The following ADCY8 variants were observed in gnomAD, a reference collection of about 807,000 sequenced individuals.
The protein encoded by ADCY8 is adenylate cyclase type 8.
ADCY8 carries 51 observed loss-of-function variants against 119.7 expected under a neutral mutation model. The observed-to-expected ratio is 0.43, with a 90% CI of 0.34 to 0.54. The LOEUF is 0.54. Ranked by LOEUF, ADCY8 falls within the 20% of genes least tolerant of loss-of-function variation. The pLI is 0.03. For synonymous variants in ADCY8, 665 were observed against 651.0 expected, an observed-to-expected ratio of 1.02 and a Z score of -0.33; for missense variants, 1,383 against 1,598.8, an observed-to-expected ratio of 0.87 and a Z score of 2.30.
intron 9 of ADCY8, 23 bp from the exon 10 acceptor site, chr8:130,849,826 G>C (rs199804751): frequency 6.2e-7 from 1 of 1,600,296 alleles, no homozygotes; most frequent in East Asian, 2.3e-5. Context: ...ACAGAATGTT[G>C]GGTCATTGGC....
chr8:130,817,425 A>T (rs1169065674), intron 13 of ADCY8, among the ~76,000 whole-genome samples: 1 of 152,240 alleles, frequency 6.6e-6, no homozygotes, highest in African/African-American at 2.4e-5. Flanking sequence ...CTACAAAAAA[A>T]TTCCCATTCT....
chr8:130,995,407 C>T (rs1477762191), intron 1 of ADCY8, among the ~76,000 whole-genome samples: 2 of 152,136 alleles, frequency 1.3e-5, no homozygotes, highest in Non-Finnish European at 2.9e-5. Context: ...GGTTTTTAAA[C>T]TCTACCTTTT....
intron 7 of ADCY8, among the ~76,000 whole-genome samples, chr8:130,888,697 G>A (rs77460997): frequency 6.6e-6 from 1 of 152,042 alleles, no homozygotes; most frequent in Admixed American, 6.6e-5. Context: ...TAATGAGAGG[G>A]TCAGGTAGCC....
intron 8 of ADCY8, 55 bp from the exon 9 acceptor site, chr8:130,868,001 G>C: frequency 8.6e-7 from 1 of 1,157,748 alleles, no homozygotes; most frequent in Non-Finnish European, 1.2e-6. Context: ...CAGTGTTTGA[G>C]GTTGAGGGAA....
At position 130,895,200 on chromosome 8, in the gene ADCY8, C is replaced by G. The variant is rs145057209; in HGVS notation, c.1911+8572G>C. Among the ~76,000 whole-genome samples, 225 of 152,196 alleles carry G rather than the reference C, an allele frequency of 1.5e-3. 1 individual carries two copies. The highest frequency in any genetic ancestry group is 2.8e-3 in the Non-Finnish European group (187 of 67,990). ...TTTCCACCTTGACATATTTAAAGTGCTATACGTTTATTGGGTCTTGTTTGT... is the reference window on the plus strand; with the variant it reads ...TTTCCACCTTGACATATTTAAAGTGGTATACGTTTATTGGGTCTTGTTTGT... On this transcript the variant is annotated intron_variant, in intron 7 of 17. Coordinates refer to ENST00000286355, the MANE Select transcript of ADCY8 (RefSeq NM_001115.3).
rs140483899 is a variant in ADCY8, at chr8:131,016,417, T to C, written c.960+22957A>G. Among the ~76,000 whole-genome samples, 652 of 152,254 alleles carry C rather than the reference T, an allele frequency of 4.3e-3. 3 individuals are homozygous for C. The highest frequency in any genetic ancestry group is 0.015 in the South Asian group (70 of 4,822). ...TACTCAGGAGGCTGAGGTGGGAGGA[T>C]TGCTTAAGCCCAGGAGATTGAGTCC... On this transcript the variant is annotated intron_variant, in intron 1 of 17. Coordinates refer to ENST00000286355, the MANE Select transcript of ADCY8 (RefSeq NM_001115.3).
At chr8:130,816,864 T>A (rs1042357179) in intron 13 of ADCY8, among the ~76,000 whole-genome samples, 10 of 152,250 alleles carry the variant, frequency 6.6e-5, no homozygotes, top group African/African-American at 2.4e-4. Flanking sequence ...TTTAATTATG[T>A]CTTGTTTTAA....
At chr8:130,921,449 C>CTTTTTTTTTTTT (rs35570520) in intron 5 of ADCY8, among the ~76,000 whole-genome samples, 26 of 107,602 alleles carry the variant, frequency 2.4e-4, no homozygotes, top group Non-Finnish European at 3.7e-4. Context: ...TTTTTCTTTT[C>CTTTTTTTTTTTT]TTTTTTTTTT....
At chr8:130,997,848 C>T (rs553265714) in intron 1 of ADCY8, among the ~76,000 whole-genome samples, 3 of 152,266 alleles carry the variant, frequency 2.0e-5, no homozygotes, top group Non-Finnish European at 2.9e-5. Context: ...CTCCAACCTA[C>T]GGCTCTACCT....
At chr8:131,004,988 T>G (rs201739072) in intron 1 of ADCY8, among the ~76,000 whole-genome samples, 2 of 152,190 alleles carry the variant, frequency 1.3e-5, no homozygotes, top group East Asian at 3.9e-4. Context: ...AGTTTTTAAC[T>G]TACTGGTGAC....
chr8:130,789,225 A>G (rs952018426), intron 15 of ADCY8, among the ~76,000 whole-genome samples: 1 of 152,188 alleles, frequency 6.6e-6, no homozygotes, highest in Non-Finnish European at 1.5e-5. Flanking sequence ...AACCAAATAT[A>G]TGCTATTAAG....
chr8:130,959,159 A>G, intron 2 of ADCY8, among the ~76,000 whole-genome samples: 1 of 152,356 alleles, frequency 6.6e-6, no homozygotes, highest in South Asian at 2.1e-4. Context: ...TTAAAATATT[A>G]AACTATATTA....
intron 5 of ADCY8, among the ~76,000 whole-genome samples, chr8:130,936,073 A>ATGTGTGTGTGTGTG (rs35028784): frequency 0.012 from 1,704 of 147,126 alleles, 23 homozygotes; most frequent in Admixed American, 0.037. Flanking sequence ...AAGCACTGAC[A>ATGTGTGTGTGTGTG]TGTGTGTGTG....
intron 2 of ADCY8, among the ~76,000 whole-genome samples, chr8:130,961,316 G>C (rs1176442879): frequency 6.6e-6 from 1 of 151,966 alleles, no homozygotes; most frequent in Non-Finnish European, 1.5e-5. Flanking sequence ...CATCATGCTG[G>C]CCAGGCTAGT....
chr8:130,845,776 G>A lies in ADCY8; in HGVS notation c.2502+1648C>T, dbSNP rs188042553. Among the ~76,000 whole-genome samples, 94 of 152,190 alleles carry A rather than the reference G, an allele frequency of 6.2e-4. No individual in the cohort carries two copies. In the Middle Eastern group the frequency reaches 0.01, roughly 17 times the overall value. The stretch of plus-strand genomic sequence containing the variant: ...TCTACTTTCTCCTCTAGGGACCAGG[G>A]AAGATAAAGAATAAGGTAGATATGG... On this transcript the variant is annotated intron_variant, in intron 11 of 17. Coordinates refer to ENST00000286355, the MANE Select transcript of ADCY8 (RefSeq NM_001115.3).
intron 13 of ADCY8, among the ~76,000 whole-genome samples, 184 bp from the exon 14 acceptor site, chr8:130,814,411 A>G (rs1318737278): frequency 1.3e-5 from 2 of 152,186 alleles, no homozygotes; most frequent in African/African-American, 4.8e-5. Flanking sequence ...ATTAGGTTTC[A>G]CAGGGATGTG....
intron 13 of ADCY8, among the ~76,000 whole-genome samples, chr8:130,819,300 A>T (rs1816437542): frequency 6.6e-6 from 1 of 152,204 alleles, no homozygotes; most frequent in African/African-American, 2.4e-5. Context: ...AAAAGGGAAA[A>T]ATATCAGATG....
rs535561145 is a variant in ADCY8 at position 130,998,148 on chromosome 8, A to C, written c.961-7606T>G. On this transcript the variant is annotated intron_variant, in intron 1 of 17. Transcript: ENST00000286355. ...GAGATGGGCAATAAACAAGCAAGCC[A>C]AGGAATATTTAACACATGGTGGTGG... Among the ~76,000 whole-genome samples the C allele has an allele frequency of 6.6e-5, 10 of 152,294 alleles. No individual in the cohort carries two copies. The South Asian group carries it at 2.1e-3, about 32-fold the overall frequency.
At chr8:131,002,377 C>A (rs895071672) in intron 1 of ADCY8, among the ~76,000 whole-genome samples, 32 of 152,174 alleles carry the variant, frequency 2.1e-4, no homozygotes, top group African/African-American at 7.7e-4. Flanking sequence ...GAACAGTTAT[C>A]GCGAAGGTTA....
Sources: gnomAD v4.1 joint callset for allele counts (sites outside exome capture counted in the v4.1 genomes callset) on GRCh38, gnomAD v4.1.1 for gene constraint, MANE v1.5 for transcripts, NCBI Gene and HGNC (gene_info 2026-07-23, HGNC 2026-07-21) for gene names.